LIMK2: variants seen among roughly 807,000 people sequenced by gnomAD.
LIMK2 encodes the protein LIM domain kinase 2.
A neutral mutation model predicts 75.7 loss-of-function variants in LIMK2; 35 were observed. That is an observed-to-expected ratio of 0.46 (90% confidence interval 0.35 to 0.61). The LOEUF is 0.61. Ranked by LOEUF, LIMK2 falls within the 20% of genes least tolerant of loss-of-function variation. LIMK2 has a pLI of 0.00. For synonymous variants in LIMK2, 301 were observed against 319.2 expected, an observed-to-expected ratio of 0.94 and a Z score of 0.61; for missense variants, 623 against 831.0, an observed-to-expected ratio of 0.75 and a Z score of 3.08.
chr22:31,276,468 CGGCGGCGGCCGCAGG>C (rs543817289), intron 15 of LIMK2, among the ~76,000 whole-genome samples: 3,152 of 145,054 alleles, frequency 0.022, 42 homozygotes, highest in Middle Eastern at 0.045. Context: ...GCGGCAGCCC[CGGCGGCGGCCGCAGG>C]GGACAAAGGG....
intron 2 of LIMK2, among the ~76,000 whole-genome samples, chr22:31,246,880 C>T (rs770749323): frequency 2.0e-5 from 3 of 152,116 alleles, no homozygotes; most frequent in Non-Finnish European, 4.4e-5. Flanking sequence ...ATGACGTTTC[C>T]TCCTTTTACT....
At chr22:31,266,206 C>T (rs2048894080) in intron 8 of LIMK2, 74 bp downstream of exon 8, 1 of 1,429,120 alleles carries the variant, frequency 7.0e-7, no homozygotes, top group African/African-American at 1.4e-5. Flanking sequence ...GATTTCTCAT[C>T]ACTTGGCCCC....
chr22:31,259,453 G>A (rs1387564127), intron 4 of LIMK2, among the ~76,000 whole-genome samples: 1 of 152,088 alleles, frequency 6.6e-6, no homozygotes, highest in Non-Finnish European at 1.5e-5. Context: ...ACTCTGCCCT[G>A]CAATCCTCCC....
At chr22:31,259,635 C>CAG (rs1213949606) in intron 4 of LIMK2, among the ~76,000 whole-genome samples, 1 of 152,128 alleles carries the variant, frequency 6.6e-6, no homozygotes, top group African/African-American at 2.4e-5. Context: ...GAAGAGAACC[C>CAG]AGACCATCTC....
At chr22:31,244,486 G>A (rs759884639) in intron 2 of LIMK2, among the ~76,000 whole-genome samples, 3 of 152,092 alleles carry the variant, frequency 2.0e-5, no homozygotes, top group Non-Finnish European at 4.4e-5. Context: ...TATCCCGTAT[G>A]TTATTTCCCC....
chr22:31,270,876 CT>C (rs1215092930), intron 11 of LIMK2, among the ~76,000 whole-genome samples: 1 of 152,164 alleles, frequency 6.6e-6, no homozygotes, highest in East Asian at 1.9e-4. Flanking sequence ...GCTGTGAGGG[CT>C]TTGGCCAGCC....
At chr22:31,230,029 T>G (rs2048513402) in intron 2 of LIMK2, 1 of 150,566 alleles carries the variant, frequency 6.6e-6, no homozygotes, top group East Asian at 2.0e-4. Flanking sequence ...TTTTTTTCTT[T>G]TCTTTTTTTT....
intron 13 of LIMK2, 185 bp downstream of exon 13, chr22:31,272,889 T>G (rs1399484476): frequency 5.1e-6 from 7 of 1,381,990 alleles, no homozygotes; most frequent in Non-Finnish European, 6.5e-6. Context: ...GGCTGGGAAC[T>G]GATCAGTGTC....
At chr22:31,253,321 T>C (rs1488693581) in intron 2 of LIMK2, among the ~76,000 whole-genome samples, 1 of 152,228 alleles carries the variant, frequency 6.6e-6, no homozygotes, top group Non-Finnish European at 1.5e-5. Context: ...AAAAACAGCC[T>C]TGGCTTTGGG....
intron 2 of LIMK2, among the ~76,000 whole-genome samples, chr22:31,242,838 A>T (rs1183437746): frequency 6.6e-6 from 1 of 152,260 alleles, no homozygotes; most frequent in Non-Finnish European, 1.5e-5. Flanking sequence ...ACTGAGTTCC[A>T]TGAGCCAGAT....
intron 2 of LIMK2, among the ~76,000 whole-genome samples, chr22:31,253,374 A>G (rs571725827): frequency 6.6e-6 from 1 of 152,366 alleles, no homozygotes; most frequent in South Asian, 2.1e-4. Flanking sequence ...CTGAGGTGGG[A>G]CATGTTCGAG....
rs776335007 is a variant in LIMK2, at chr22:31,267,822, T to C, written c.1175T>C (p.Ile392Thr). The change falls in exon 10 of 16, where the codon ATT (isoleucine) becomes ACT (threonine). Residue 392 changes from isoleucine to threonine, a missense_variant. Physicochemically the swap from Ile to Thr is moderately conservative, Grantham distance 89. Transcript: ENST00000331728. The stretch of plus-strand genomic sequence containing the variant: ...GACCACCCCAATGTGCTCAAGTTCA[T>C]TGGTGTGCTGTACAAGGATAAGAAG... ...SLDHPNVLKF[I>T]GVLYKDKKLN... 2 of 1,612,716 alleles carry C rather than the reference T, an allele frequency of 1.2e-6. No individual in the cohort carries two copies. Among genetic ancestry groups the C allele is most frequent in the South Asian group, 1.1e-5 (1 of 90,894 alleles).
At position 31,262,185 on chromosome 22, in the gene LIMK2, G is replaced by A; in HGVS notation, c.603G>A (p.Gly201=). 1 of 1,614,172 alleles carries A rather than the reference G, an allele frequency of 6.2e-7. No homozygotes were observed. Among genetic ancestry groups the A allele is most frequent in the Non-Finnish European group, 8.5e-7 (1 of 1,180,020 alleles). ...ACAATCGAAACGCCATCCACCCTGG[G>A]GACCGCATCCTGGAGATCAATGGGA... ...SPNNRNAIHP[G]DRILEINGTP... The change falls in exon 6 of 16, where the codon GGG becomes GGA. Residue 201 remains glycine (G), a synonymous_variant. Transcript: ENST00000331728. This position sits in a 1 kb window ranked among gnomAD's most constrained non-coding sequence, Gnocchi z 5.0.
intron 2 of LIMK2, among the ~76,000 whole-genome samples, chr22:31,256,077 C>A (rs1272302953): frequency 7.3e-6 from 1 of 136,728 alleles, no homozygotes; most frequent in Non-Finnish European, 1.5e-5. Flanking sequence ...TGGGTCACCA[C>A]AACCTCCGCT....
intron 7 of LIMK2, among the ~76,000 whole-genome samples, chr22:31,264,935 T>C (rs1031211041): frequency 1.1e-4 from 16 of 152,154 alleles, no homozygotes; most frequent in African/African-American, 3.9e-4. Context: ...GGCTCACGCC[T>C]GTAATCCCAG....
intron 2 of LIMK2, among the ~76,000 whole-genome samples, chr22:31,240,616 G>T (rs2123800322): frequency 6.6e-6 from 1 of 152,060 alleles, no homozygotes; most frequent in South Asian, 2.1e-4. Flanking sequence ...TAGAGACGGG[G>T]TTTCACCGTG....
At position 31,248,506 on chromosome 22, in the gene LIMK2, A is replaced by G. The variant is rs963553759; in HGVS notation, c.117-9785A>G. 7.7e-6 allele frequency: 12 copies of G among 1,555,634 alleles called. No individual in the cohort carries two copies. In the South Asian group the frequency reaches 9.1e-5, roughly 12 times the overall value. ...GAACTAGGGAGGAGCCATCCCAGCC[A>G]TGAGCCCCTGTGGGAATCTGCTGGG... On this transcript the variant is annotated intron_variant, in intron 2 of 15. Transcript: ENST00000331728.
At chr22:31,222,711 T>C (rs1348119124) in intron 1 of LIMK2, 1 of 151,918 alleles carries the variant, frequency 6.6e-6, no homozygotes, top group Admixed American at 6.6e-5. Flanking sequence ...GATCCAGTGG[T>C]TTGGTTTTTT....
At chr22:31,245,447 A>G (rs2048659646) in intron 2 of LIMK2, among the ~76,000 whole-genome samples, 1 of 152,096 alleles carries the variant, frequency 6.6e-6, no homozygotes, top group African/African-American at 2.4e-5. Context: ...GATTACAGGC[A>G]TGTGCCACCA....
Sources: gnomAD v4.1 joint callset for allele counts (sites outside exome capture counted in the v4.1 genomes callset) on GRCh38, gnomAD v4.1.1 for gene constraint, Gnocchi (gnomAD v3.1) non-coding constraint, MANE v1.5 for transcripts, NCBI Gene and HGNC (gene_info 2026-07-23, HGNC 2026-07-21) for gene names.